The following CDK14 variants were observed in gnomAD, a reference collection of about 807,000 sequenced individuals.
CDK14 encodes the protein cyclin dependent kinase 14.
In CDK14, 34 loss-of-function variants were observed where a neutral mutation model predicts 60.7. That is an observed-to-expected ratio of 0.56 (90% confidence interval 0.43 to 0.75). CDK14 has a LOEUF of 0.75. Ranked by LOEUF, CDK14 falls within the 30% of genes least tolerant of loss-of-function variation. The pLI, the probability that CDK14 is intolerant of heterozygous loss-of-function variation, is 0.00. For synonymous variants in CDK14, 197 were observed against 203.7 expected (o/e 0.97, Z 0.28); for missense variants, 482 against 564.1 (o/e 0.85, Z 1.47).
At chr7:91,046,797 T>C (rs982415026) in intron 11 of CDK14, among the ~76,000 whole-genome samples, 1 of 152,152 alleles carries the variant, frequency 6.6e-6, no homozygotes, top group African/African-American at 2.4e-5. Context: ...TATTATCCTA[T>C]GAGGGAAAAG....
intron 12 of CDK14, among the ~76,000 whole-genome samples, chr7:91,104,116 A>G (rs540629327): frequency 2.0e-5 from 3 of 152,252 alleles, no homozygotes; most frequent in Admixed American, 1.3e-4. Context: ...TCTTTTTACA[A>G]AATGAATGTA....
intron 2 of CDK14, among the ~76,000 whole-genome samples, chr7:90,703,782 T>C (rs963190246): frequency 2.0e-5 from 3 of 152,140 alleles, no homozygotes; most frequent in African/African-American, 7.2e-5. Flanking sequence ...AGGACATTTA[T>C]TTCATAAAAA....
chr7:90,821,448 T>C (rs970284289), intron 5 of CDK14, among the ~76,000 whole-genome samples: 1 of 152,202 alleles, frequency 6.6e-6, no homozygotes, highest in Admixed American at 6.5e-5. Flanking sequence ...CTAATTTCTT[T>C]GTTCGTGTGG....
At chr7:91,048,895 T>G (rs1195842136) in intron 11 of CDK14, among the ~76,000 whole-genome samples, 1 of 152,106 alleles carries the variant, frequency 6.6e-6, no homozygotes, top group Non-Finnish European at 1.5e-5. Flanking sequence ...TATTTTATTA[T>G]TTTATTTTTA....
At chr7:90,976,200 T>G (rs575032574) in intron 9 of CDK14, among the ~76,000 whole-genome samples, 1 of 152,144 alleles carries the variant, frequency 6.6e-6, no homozygotes, top group Non-Finnish European at 1.5e-5. Context: ...ATTTTTTATC[T>G]TTTTCTTAAT....
At position 91,208,064 on chromosome 7, in the gene CDK14, T is replaced by C. The variant is rs550564709; in HGVS notation, c.*928T>C. The C allele has an allele frequency of 6.5e-6, 1 of 152,740 alleles. No homozygotes were observed. Among genetic ancestry groups the C allele is most frequent in the Admixed American group, 6.5e-5 (1 of 15,304 alleles). 9.5% of individuals were successfully genotyped at this position (152,740 alleles called of 1,614,324 possible). ...TCTGCTGGATGAGCCTTGAAAGCAG[T>C]CTTGGCCTGTTAGGGCTTACAAAGT... On this transcript the variant is annotated 3_prime_UTR_variant, in exon 15 of 15. Transcript: ENST00000380050.
chr7:91,133,884 A>G (rs1800188111), intron 14 of CDK14, among the ~76,000 whole-genome samples: 1 of 152,174 alleles, frequency 6.6e-6, no homozygotes, highest in Admixed American at 6.6e-5. Context: ...CTCATTTTAC[A>G]ACCACAGGGC....
chr7:91,123,429 G>C (rs1441802924), intron 14 of CDK14, among the ~76,000 whole-genome samples: 2 of 152,014 alleles, frequency 1.3e-5, no homozygotes, highest in African/African-American at 4.8e-5. Flanking sequence ...AGTGTTCTTT[G>C]CAGGTTTCAT....
At chr7:90,954,355 A>C (rs1413328419) in intron 8 of CDK14, among the ~76,000 whole-genome samples, 6 of 152,134 alleles carry the variant, frequency 3.9e-5, no homozygotes, top group East Asian at 3.8e-4. Context: ...TCACTGTAAA[A>C]ATGTTTTAAG....
At chr7:90,596,891 A>G (rs1799198847) in intron 1 of CDK14, among the ~76,000 whole-genome samples, 173 bp downstream of exon 1, 1 of 152,058 alleles carries the variant, frequency 6.6e-6, no homozygotes, top group Non-Finnish European at 1.5e-5. Flanking sequence ...GACGTAAAGG[A>G]AAGAGACCCC....
At chr7:90,682,922 C>T (rs1172542468) in intron 2 of CDK14, among the ~76,000 whole-genome samples, 2 of 152,046 alleles carry the variant, frequency 1.3e-5, no homozygotes, top group African/African-American at 4.8e-5. Context: ...GATATTGTGC[C>T]CTCAGGGTTT....
intron 10 of CDK14, among the ~76,000 whole-genome samples, chr7:91,002,050 A>G (rs953224288): frequency 6.6e-5 from 10 of 152,186 alleles, no homozygotes; most frequent in African/African-American, 2.2e-4. Context: ...AGTCCCGTCT[A>G]TTTGTAACTG....
chr7:90,637,384 C>T (rs1235331421), intron 2 of CDK14, among the ~76,000 whole-genome samples: 5 of 152,112 alleles, frequency 3.3e-5, no homozygotes, highest in Admixed American at 1.3e-4. Flanking sequence ...GCCTTCATTT[C>T]GTTATGTACC....
Position 90,961,439 on chromosome 7 carries a change from T to G in CDK14, c.947+5622T>G, listed in dbSNP as rs3808265. Among the ~76,000 whole-genome samples the G allele has an allele frequency of 6.6e-5, 10 of 152,332 alleles. No homozygotes were observed. In the East Asian group the frequency reaches 1.9e-3, roughly 29 times the overall value. On this transcript the variant is annotated intron_variant, in intron 9 of 14. Coordinates refer to ENST00000380050, the MANE Select transcript of CDK14 (RefSeq NM_001287135.2). ...ACTTATGCTGGCATGTATTAATATT[T>G]TCCCAATTCCTAGCCATTACTCATT...
chr7:90,596,774 C>A, intron 1 of CDK14, 56 bp downstream of exon 1: 1 of 1,431,786 alleles, frequency 7.0e-7, no homozygotes, highest in Non-Finnish European at 9.7e-7. Flanking sequence ...GGCCTGCGCC[C>A]CCGCCGCGTT....
chr7:90,835,843 A>T (rs1275938579), intron 5 of CDK14, among the ~76,000 whole-genome samples: 2 of 152,218 alleles, frequency 1.3e-5, no homozygotes, highest in Non-Finnish European at 2.9e-5. Flanking sequence ...GCAGCTTTGT[A>T]CATACCTAGG....
Position 91,141,895 on chromosome 7 carries a change from C to T in CDK14, c.*28+23687C>T, listed in dbSNP as rs151134219. Among the ~76,000 whole-genome samples the T allele has an allele frequency of 3.2e-3, 490 of 151,916 alleles. 2 individuals carry two copies. Among genetic ancestry groups the T allele is most frequent in the African/African-American group, 0.011 (470 of 41,446 alleles). ...GGCTGGAGTGCAGTGGCGTGATCTCCGCTCACTGCAAGCTCCGCCTCCTGG... is the reference window on the plus strand; with the variant it reads ...GGCTGGAGTGCAGTGGCGTGATCTCTGCTCACTGCAAGCTCCGCCTCCTGG... On this transcript the variant is annotated intron_variant, in intron 14 of 14. Transcript: ENST00000380050.
chr7:90,660,944 G>A (rs919431966), intron 2 of CDK14, among the ~76,000 whole-genome samples: 1 of 152,180 alleles, frequency 6.6e-6, no homozygotes, highest in Non-Finnish European at 1.5e-5. Context: ...ATACCTTTTT[G>A]TGGCCCAACT....
At chr7:91,041,592 C>T (rs190158052) in intron 10 of CDK14, among the ~76,000 whole-genome samples, 1 of 152,316 alleles carries the variant, frequency 6.6e-6, no homozygotes, top group East Asian at 1.9e-4. Context: ...ACTTGAACAA[C>T]AGTTTCATAA....
Sources: gnomAD v4.1 joint callset for allele counts (sites outside exome capture counted in the v4.1 genomes callset) on GRCh38, gnomAD v4.1.1 for gene constraint, MANE v1.5 for transcripts, NCBI Gene and HGNC (gene_info 2026-07-23, HGNC 2026-07-21) for gene names.